ADAMTS12: variants seen among roughly 807,000 people sequenced by gnomAD.
ADAMTS12 encodes ADAM metallopeptidase with thrombospondin type 1 motif 12.
Under a neutral mutation model 167.8 loss-of-function variants are expected in ADAMTS12, and 118 were observed. The ratio of observed to expected loss-of-function variants is 0.70; its 90% confidence interval spans 0.61 to 0.82. The LOEUF is 0.82. Among genes scored for constraint, ADAMTS12 ranks in the 40% least tolerant of loss-of-function variants. The pLI, the probability that ADAMTS12 is intolerant of heterozygous loss-of-function variation, is 0.00. For synonymous variants in ADAMTS12, 704 were observed against 716.9 expected (o/e 0.98, Z 0.29); for missense variants, 1,916 against 1,998.8 (o/e 0.96, Z 0.79).
chr5:33,698,985 C>T (rs942533890), intron 3 of ADAMTS12, among the ~76,000 whole-genome samples: 1 of 152,022 alleles, frequency 6.6e-6, no homozygotes, highest in African/African-American at 2.4e-5. Flanking sequence ...GGTGAAACCC[C>T]GTCTCAACTA....
At chr5:33,817,635 G>A (rs1747714324) in intron 2 of ADAMTS12, among the ~76,000 whole-genome samples, 1 of 151,832 alleles carries the variant, frequency 6.6e-6, no homozygotes, top group Admixed American at 6.6e-5. Context: ...GGATTATTTT[G>A]TGGCAAATTC....
intron 2 of ADAMTS12, among the ~76,000 whole-genome samples, chr5:33,804,792 G>A (rs890836466): frequency 4.6e-5 from 7 of 152,242 alleles, no homozygotes; most frequent in South Asian, 2.1e-4. Context: ...TACCTGATCC[G>A]CTCACCATCC....
At chr5:33,645,793 G>T (rs1162982740) in intron 9 of ADAMTS12, among the ~76,000 whole-genome samples, 1 of 151,942 alleles carries the variant, frequency 6.6e-6, no homozygotes, top group Non-Finnish European at 1.5e-5. Flanking sequence ...GGTTATCTTG[G>T]CTGCCATATA....
At chr5:33,588,458 G>T in intron 18 of ADAMTS12, 141 bp downstream of exon 18, 1 of 968,042 alleles carries the variant, frequency 1.0e-6, no homozygotes, top group Non-Finnish European at 1.6e-6. Flanking sequence ...ACACAGGAAA[G>T]GCAGGAGACA....
At chr5:33,737,111 G>A (rs973547069) in intron 3 of ADAMTS12, among the ~76,000 whole-genome samples, 6 of 152,146 alleles carry the variant, frequency 3.9e-5, no homozygotes, top group African/African-American at 7.2e-5. Flanking sequence ...AAGTACCTGC[G>A]TTCTGTTTGC....
At chr5:33,847,400 A>G (rs1312773512) in intron 2 of ADAMTS12, among the ~76,000 whole-genome samples, 2 of 152,158 alleles carry the variant, frequency 1.3e-5, no homozygotes, top group East Asian at 3.9e-4. Context: ...AGGCTGGTGG[A>G]TCACCTGAGG....
intron 1 of ADAMTS12, among the ~76,000 whole-genome samples, chr5:33,886,887 A>G (rs1750655797): frequency 6.6e-6 from 1 of 152,156 alleles, no homozygotes; most frequent in Admixed American, 6.5e-5. Context: ...TGAGGCTCCA[A>G]TGTATTAATA....
At chr5:33,641,317 G>T (rs10076809) in intron 11 of ADAMTS12, among the ~76,000 whole-genome samples, 148,675 of 152,282 alleles carry the variant, frequency 0.98, 72,706 homozygotes, top group East Asian at 1. Context: ...AATCCTTATC[G>T]AAAAATATTA....
At chr5:33,712,632 AGAG>A (rs1199878344) in intron 3 of ADAMTS12, among the ~76,000 whole-genome samples, 13 of 144,202 alleles carry the variant, frequency 9.0e-5, no homozygotes, top group African/African-American at 2.9e-4. Flanking sequence ...GGTAAAAGAT[AGAG>A]ACAAGGCTAA....
rs75747715 is a variant in ADAMTS12, at chr5:33,691,270, A to T, written c.635-7215T>A. Among the ~76,000 whole-genome samples, 503 of 152,334 alleles carry T rather than the reference A, an allele frequency of 3.3e-3. 10 individuals carry two copies. In the East Asian group the frequency reaches 0.058, roughly 18 times the overall value. Reference sequence around the variant, plus strand: ...AGTACATGTTTACAAAGCTTTCTAGACAATGAGTCCCAGTTTGTTTTCAGA... The same window carrying T: ...AGTACATGTTTACAAAGCTTTCTAGTCAATGAGTCCCAGTTTGTTTTCAGA... On this transcript the variant is annotated intron_variant, in intron 3 of 23. Transcript: ENST00000504830.
chr5:33,864,659 TA>T (rs1240539823), intron 2 of ADAMTS12, among the ~76,000 whole-genome samples: 4 of 151,870 alleles, frequency 2.6e-5, no homozygotes, highest in African/African-American at 9.7e-5. Context: ...AATGCAGCCA[TA>T]AAAAAAGGAT....
At chr5:33,616,696 AT>A (rs1739034982) in intron 14 of ADAMTS12, among the ~76,000 whole-genome samples, 1 of 152,122 alleles carries the variant, frequency 6.6e-6, no homozygotes, top group African/African-American at 2.4e-5. Flanking sequence ...TTTCTTTCTC[AT>A]TTTTTCTTTT....
intron 7 of ADAMTS12, among the ~76,000 whole-genome samples, chr5:33,652,872 T>C (rs535004657): frequency 6.6e-6 from 1 of 152,196 alleles, no homozygotes; most frequent in African/African-American, 2.4e-5. Context: ...AAACATGGTG[T>C]CCTTTCCCCA....
intron 2 of ADAMTS12, among the ~76,000 whole-genome samples, chr5:33,878,839 T>C (rs1750322130): frequency 6.6e-6 from 1 of 152,200 alleles, no homozygotes; most frequent in African/African-American, 2.4e-5. Flanking sequence ...CATGGGTCCA[T>C]TTTAAAGCTA....
At chr5:33,567,367 CTTGTTTTCT>C (rs1195294166) in intron 19 of ADAMTS12, among the ~76,000 whole-genome samples, 1 of 152,184 alleles carries the variant, frequency 6.6e-6, no homozygotes, top group African/African-American at 2.4e-5. Context: ...ACTTCTACCA[CTTGTTTTCT>C]TTGTTTTCAG....
intron 2 of ADAMTS12, among the ~76,000 whole-genome samples, chr5:33,801,600 T>C (rs1394818818): frequency 6.6e-6 from 1 of 152,206 alleles, no homozygotes; most frequent in African/African-American, 2.4e-5. Context: ...TTTGGTGTCC[T>C]TTCAGAAAAA....
chr5:33,676,471 CT>C (rs534265692), intron 5 of ADAMTS12, among the ~76,000 whole-genome samples: 74 of 148,130 alleles, frequency 5.0e-4, no homozygotes, highest in South Asian at 3.0e-3. Context: ...GGAAAGGATA[CT>C]TTTTTTTTTA....
At chr5:33,791,995 CTTTTTTTT>C (rs746021718) in intron 2 of ADAMTS12, among the ~76,000 whole-genome samples, 1 of 119,364 alleles carries the variant, frequency 8.4e-6, no homozygotes, top group Non-Finnish European at 1.7e-5. Context: ...TGCTTTCACA[CTTTTTTTT>C]TTTTTTTTTT....
At position 33,826,515 on chromosome 5, in the gene ADAMTS12, T is replaced by C. The variant is rs543375984; in HGVS notation, c.489+54604A>G. On this transcript the variant is annotated intron_variant, in intron 2 of 23. Transcript: ENST00000504830. Reference sequence around the variant, plus strand: ...ATATGTATGAACTCATGTATATGCATGAATATATATATGCTTTTAAGTCTG... The same window carrying C: ...ATATGTATGAACTCATGTATATGCACGAATATATATATGCTTTTAAGTCTG... Among the ~76,000 whole-genome samples the C allele has an allele frequency of 2.0e-5, 3 of 152,140 alleles. No homozygotes were observed. The East Asian group carries it at 5.8e-4, about 29-fold the overall frequency.
Sources: gnomAD v4.1 joint callset for allele counts (sites outside exome capture counted in the v4.1 genomes callset) on GRCh38, gnomAD v4.1.1 for gene constraint, MANE v1.5 for transcripts, NCBI Gene and HGNC (gene_info 2026-07-23, HGNC 2026-07-21) for gene names.